Variants in TMPRSS11A observed in about 807,000 individuals in gnomAD.
The protein encoded by TMPRSS11A is transmembrane serine protease 11A, also known as transmembrane protease serine 11A.
Under a neutral mutation model 58.9 loss-of-function variants are expected in TMPRSS11A, and 53 were observed. The observed-to-expected ratio is 0.90, with a 90% CI of 0.72 to 1.13. The LOEUF is 1.13. TMPRSS11A is among the 50% of genes most tolerant of loss of function. The probability of loss-of-function intolerance (pLI) is 0.00; values close to 1 mark genes in which losing one functional copy is unlikely to be tolerated. For synonymous variants in TMPRSS11A, 167 were observed against 169.8 expected (o/e 0.98, Z 0.13); for missense variants, 493 against 499.3 (o/e 0.99, Z 0.12).
At chr4:67,911,551 A>C in intron 9 of TMPRSS11A, 48 bp from the exon 10 acceptor site, 2 of 1,476,682 alleles carry the variant, frequency 1.4e-6, no homozygotes, top group Non-Finnish European at 1.9e-6. Flanking sequence ...GCTAAACATA[A>C]AGCTCATTAT....
At chr4:67,914,918 C>T (rs966404483) in intron 8 of TMPRSS11A, among the ~76,000 whole-genome samples, 188 bp from the exon 9 acceptor site, 6 of 152,136 alleles carry the variant, frequency 3.9e-5, no homozygotes, top group Admixed American at 3.9e-4. Context: ...ATTGTCCAAT[C>T]ACATTTTTAT....
chr4:67,923,580 C>T (rs559565183), intron 6 of TMPRSS11A, among the ~76,000 whole-genome samples: 2 of 152,174 alleles, frequency 1.3e-5, no homozygotes, highest in African/African-American at 4.8e-5. Flanking sequence ...AATCTTGGCT[C>T]ACTGCAACCT....
intron 2 of TMPRSS11A, among the ~76,000 whole-genome samples, chr4:67,946,120 T>C (rs1200487125): frequency 6.6e-6 from 1 of 152,140 alleles, no homozygotes; most frequent in East Asian, 1.9e-4. Flanking sequence ...TGATGAGTTG[T>C]TTATTATAAT....
rs764749590 is a variant in TMPRSS11A at position 67,944,539 on chromosome 4, G to A, written c.232C>T (p.Arg78Ter). The A allele has an allele frequency of 4.3e-6, 7 of 1,610,660 alleles. No homozygotes were observed. The highest frequency in any genetic ancestry group is 4.5e-5 in the East Asian group (2 of 44,822). ...QSNTYQLKDL[R>*]ETTENLVDEI... is the part of the protein sequence containing the mutation. ...CTCACCAAATTTTCGGTCGTCTCTC[G>A]TAAGTCCTTAAGTTGATATGTGTTG... The change falls in exon 3 of 10, where the codon CGA becomes TGA. Residue 78 changes from arginine to a stop codon, truncating the protein, a stop_gained. Transcript: ENST00000508048. LOFTEE classifies it high-confidence loss of function.
At chr4:67,914,904 A>C (rs1395090866) in intron 8 of TMPRSS11A, among the ~76,000 whole-genome samples, 174 bp from the exon 9 acceptor site, 16 of 152,192 alleles carry the variant, frequency 1.1e-4, no homozygotes, top group Admixed American at 1.0e-3. Context: ...ATCTAACGAT[A>C]ATTATTGTCC....
chr4:67,950,173 G>T (rs1033030607), intron 1 of TMPRSS11A, among the ~76,000 whole-genome samples: 7 of 152,156 alleles, frequency 4.6e-5, no homozygotes, highest in African/African-American at 1.7e-4. Context: ...TCACATGGCT[G>T]AAATCAAGGC....
chr4:67,909,623 G>A lies in TMPRSS11A; in HGVS notation c.*1719C>T, dbSNP rs1418581749. ...TATGAAGAAGAAACTTTGTCTTGAA[G>A]TGAATTCAGAGAATTGGCAGCCAGC... On this transcript the variant is annotated 3_prime_UTR_variant, in exon 10 of 10. Transcript: ENST00000508048. 6.6e-6 allele frequency: 1 copy of A among 152,172 alleles called. No homozygotes were observed. Among genetic ancestry groups the A allele is most frequent in the Non-Finnish European group, 1.5e-5 (1 of 67,994 alleles). The allele number at this position is 152,172 out of a possible 1,614,324, so 9.4% of individuals were successfully genotyped here.
At chr4:67,927,315 G>A (rs986280287) in intron 5 of TMPRSS11A, among the ~76,000 whole-genome samples, 8 of 152,324 alleles carry the variant, frequency 5.3e-5, no homozygotes, top group South Asian at 2.1e-4. Flanking sequence ...CTCCCTCTTT[G>A]GGACCCTGCA....
chr4:67,922,658 C>T (rs527240091), intron 7 of TMPRSS11A, 97 bp downstream of exon 7: 51 of 1,191,566 alleles, frequency 4.3e-5, no homozygotes, highest in African/African-American at 2.7e-4. Context: ...TCTTATTTTA[C>T]TTCAGTAATA....
intron 3 of TMPRSS11A, among the ~76,000 whole-genome samples, chr4:67,942,328 C>G (rs975321048): frequency 7.9e-5 from 12 of 152,090 alleles, no homozygotes; most frequent in Non-Finnish European, 2.9e-5. Flanking sequence ...ATAGTTAGGT[C>G]ATGAGGGTGG....
intron 5 of TMPRSS11A, among the ~76,000 whole-genome samples, chr4:67,926,964 G>T (rs1720489718): frequency 6.6e-6 from 1 of 152,192 alleles, no homozygotes; most frequent in Non-Finnish European, 1.5e-5. Context: ...TGCCTGCAGA[G>T]AGGAGCTTCT....
chr4:67,929,536 G>T (rs1720557335), intron 5 of TMPRSS11A, among the ~76,000 whole-genome samples: 4 of 152,134 alleles, frequency 2.6e-5, no homozygotes, highest in Non-Finnish European at 4.4e-5. Flanking sequence ...TTTTAGGAAG[G>T]TCCCACCCAG....
intron 5 of TMPRSS11A, among the ~76,000 whole-genome samples, chr4:67,925,200 G>T (rs1197040682): frequency 6.6e-6 from 1 of 152,110 alleles, no homozygotes; most frequent in Non-Finnish European, 1.5e-5. Flanking sequence ...AAAAAGTGAG[G>T]AGTTTGACTA....
At chr4:67,915,188 A>C (rs773221697) in intron 8 of TMPRSS11A, among the ~76,000 whole-genome samples, 3 of 151,974 alleles carry the variant, frequency 2.0e-5, no homozygotes, top group Non-Finnish European at 4.4e-5. Flanking sequence ...ATATATGTGA[A>C]ATATACATAT....
chr4:67,944,062 G>T lies in TMPRSS11A; in HGVS notation c.252+457C>A, dbSNP rs141195228. Among the ~76,000 whole-genome samples the T allele has an allele frequency of 3.2e-4, 48 of 152,104 alleles. No homozygotes were observed. The East Asian group carries it at 6.8e-3, about 21-fold the overall frequency. ...ACTTGATTACTACAAAATAAGTCTG[G>T]TTTTTTGTCTTTATCAATATACTTA... On this transcript the variant is annotated intron_variant, in intron 3 of 9. Coordinates refer to ENST00000508048, the MANE Select transcript of TMPRSS11A (RefSeq NM_001114387.2).
chr4:67,913,843 T>G (rs183891941), intron 9 of TMPRSS11A, among the ~76,000 whole-genome samples: 1 of 152,350 alleles, frequency 6.6e-6, no homozygotes, highest in East Asian at 1.9e-4. Flanking sequence ...TACCATTCCA[T>G]CATTTCCACA....
At chr4:67,946,323 A>C in intron 2 of TMPRSS11A, 127 bp downstream of exon 2, 1 of 903,188 alleles carries the variant, frequency 1.1e-6, no homozygotes, top group Non-Finnish European at 1.6e-6. Flanking sequence ...TGAAACAGTT[A>C]AATATACTCT....
At chr4:67,913,835 C>T (rs1720070226) in intron 9 of TMPRSS11A, among the ~76,000 whole-genome samples, 2 of 152,196 alleles carry the variant, frequency 1.3e-5, no homozygotes, top group Admixed American at 6.5e-5. Context: ...GATATCAATA[C>T]CATTCCATCA....
At position 67,929,810 on chromosome 4, in the gene TMPRSS11A, T is replaced by A. The variant is rs1039442102; in HGVS notation, c.481+70A>T. On this transcript the variant is annotated intron_variant, in intron 5 of 9. Transcript: ENST00000508048. ...TATTTGAAATGGAAATAATGACAAA[T>A]AAATTTGAGATTCGTCAAAACATGG... The A allele has an allele frequency of 9.9e-6, 13 of 1,316,316 alleles. 1 individual carries two copies. The East Asian group carries it at 1.9e-4, about 19-fold the overall frequency. The allele number at this position is 1,316,316 out of a possible 1,614,324, so 81.5% of individuals were successfully genotyped here. A position where few individuals can be genotyped will look rare whatever the true frequency, so the allele number is the denominator to read the frequency against.
Sources: gnomAD v4.1 joint callset for allele counts (sites outside exome capture counted in the v4.1 genomes callset) on GRCh38, gnomAD v4.1.1 for gene constraint, MANE v1.5 for transcripts, NCBI Gene and HGNC (gene_info 2026-07-23, HGNC 2026-07-21) for gene names.